The following HBP1 variants were observed in gnomAD, a reference collection of about 807,000 sequenced individuals.
The protein encoded by HBP1 is HMG box-containing protein 1.
HBP1 carries 20 observed loss-of-function variants against 62.6 expected under a neutral mutation model. That is an observed-to-expected ratio of 0.32 (90% CI 0.22 to 0.46). The LOEUF is 0.46. Among genes scored for constraint, HBP1 ranks in the 20% least tolerant of loss-of-function variants. HBP1 has a pLI of 1.00. For missense variants in HBP1, 480 were observed against 611.8 expected, an observed-to-expected ratio of 0.78 and a Z score of 2.27; for synonymous variants, 232 against 206.2, an observed-to-expected ratio of 1.12 and a Z score of -1.07.
At chr7:107,186,167 T>C (rs1466376687) in intron 4 of HBP1, among the ~76,000 whole-genome samples, 194 bp from the exon 5 acceptor site, 5 of 117,712 alleles carry the variant, frequency 4.2e-5, no homozygotes, top group Non-Finnish European at 8.6e-5. Context: ...TTTTTTTTTC[T>C]TTTTTTTTTT....
chr7:107,195,922 C>A lies in HBP1; in HGVS notation c.1156C>A (p.Pro386Thr). The A allele has an allele frequency of 6.2e-7, 1 of 1,613,262 alleles. No homozygotes were observed. The highest frequency in any genetic ancestry group is 1.7e-5 in the Admixed American group (1 of 59,974). Reference sequence around the variant, plus strand: ...TCGTGCATCTTTGTCTTGTGGAGGACCTGGTGGTCAAGACTTTGCAAGATC... The same window carrying A: ...TCGTGCATCTTTGTCTTGTGGAGGAACTGGTGGTCAAGACTTTGCAAGATC... ...QRRASLSCGG[P>T]GGQDFARSGF... The change falls in exon 9 of 11, where the codon CCT becomes ACT. Residue 386 changes from proline to threonine, a missense_variant. This residue lies in a region of HBP1 where 66 missense variants were observed against 56.4 expected (regional missense o/e 1.17). Coordinates refer to ENST00000222574, the MANE Select transcript of HBP1 (RefSeq NM_012257.4).
chr7:107,190,107 T>A (rs1011779529), intron 7 of HBP1, 66 bp from the exon 8 acceptor site: 4 of 1,135,516 alleles, frequency 3.5e-6, no homozygotes, highest in African/African-American at 1.6e-5. Flanking sequence ...AGAAATGATA[T>A]GTCTGTTCTA....
chr7:107,174,002 G>C (rs766263723), intron 1 of HBP1, among the ~76,000 whole-genome samples: 5 of 152,170 alleles, frequency 3.3e-5, no homozygotes, highest in African/African-American at 4.8e-5. Context: ...AAATGTAAGG[G>C]CTTCCCTGGT....
rs757507488 is a variant in HBP1 at position 107,189,326 on chromosome 7, A to G, written c.800A>G (p.His267Arg). ...TCTGATGGTCTAAAGTTGTTATCACATGAAGAAAGTGTATCATTTGGCGAG... is the reference window on the plus strand; with the variant it reads ...TCTGATGGTCTAAAGTTGTTATCACGTGAAGAAAGTGTATCATTTGGCGAG... Reference protein sequence around the residue: ...YGSDGLKLLSHEESVSFGESV... With the variant: ...YGSDGLKLLSREESVSFGESV... Residue 267 changes from histidine (H) to arginine (R), a missense_variant, in exon 7 of 11, where the codon CAT (histidine) becomes CGT (arginine). Physicochemically the swap from His to Arg is conservative, Grantham distance 29. This residue lies in a region of HBP1 where 304 missense variants were observed against 330.9 expected (regional missense o/e 0.92). Coordinates refer to ENST00000222574, the MANE Select transcript of HBP1 (RefSeq NM_012257.4). 6.2e-7 allele frequency: 1 copy of G among 1,613,146 alleles called. No homozygotes were observed. The highest frequency in any genetic ancestry group is 8.5e-7 in the Non-Finnish European group (1 of 1,179,210).
At chr7:107,177,491 G>GT (rs1453680353) in intron 1 of HBP1, among the ~76,000 whole-genome samples, 3 of 152,186 alleles carry the variant, frequency 2.0e-5, no homozygotes, top group South Asian at 4.1e-4. Flanking sequence ...CAAGAACGCT[G>GT]TATCTAGCAA....
At chr7:107,184,657 C>T (rs1404941945) in intron 3 of HBP1, among the ~76,000 whole-genome samples, 2 of 152,112 alleles carry the variant, frequency 1.3e-5, no homozygotes, top group Non-Finnish European at 1.5e-5. Flanking sequence ...ACTGCAGGCA[C>T]CCACCACCAT....
At chr7:107,199,170 C>CT (rs1360413336) in intron 9 of HBP1, among the ~76,000 whole-genome samples, 2 of 152,198 alleles carry the variant, frequency 1.3e-5, no homozygotes, top group Non-Finnish European at 2.9e-5. Context: ...ACTGCAACCT[C>CT]TGCCTCCCGG....
intron 6 of HBP1, among the ~76,000 whole-genome samples, chr7:107,189,059 T>C (rs181421427): frequency 6.9e-4 from 105 of 151,724 alleles, no homozygotes; most frequent in African/African-American, 2.5e-3. Flanking sequence ...TTGGTATTAA[T>C]AACTCTTTAT....
chr7:107,181,102 G>C lies in HBP1; in HGVS notation c.169+1040G>C, dbSNP rs554679650. On this transcript the variant is annotated intron_variant, in intron 2 of 10. Coordinates refer to ENST00000222574, the MANE Select transcript of HBP1 (RefSeq NM_012257.4). Reference sequence around the variant, plus strand: ...TAGAATTATTTTAAATTAGTGTGATGTTCTAGAACTCCTTGGCTCCTTCAT... The same window carrying C: ...TAGAATTATTTTAAATTAGTGTGATCTTCTAGAACTCCTTGGCTCCTTCAT... 2.0e-5 allele frequency among the ~76,000 whole-genome samples: 3 copies of C among 152,318 alleles called. No homozygotes were observed. The East Asian group carries it at 5.8e-4, about 29-fold the overall frequency.
intron 6 of HBP1, among the ~76,000 whole-genome samples, chr7:107,187,290 AC>A (rs1797434176): frequency 1.3e-5 from 2 of 152,144 alleles, no homozygotes; most frequent in South Asian, 4.1e-4. Flanking sequence ...GAATAAATAA[AC>A]TAACCAAAGC....
At chr7:107,169,644 C>G in intron 1 of HBP1, 1 of 685,580 alleles carries the variant, frequency 1.5e-6, no homozygotes, top group Non-Finnish European at 1.8e-6. Context: ...GGCGCCGCCT[C>G]CTTCTGGACT....
intron 8 of HBP1, among the ~76,000 whole-genome samples, chr7:107,194,640 A>C (rs929256420): frequency 6.6e-6 from 1 of 152,206 alleles, no homozygotes; most frequent in African/African-American, 2.4e-5. Context: ...AGAATTTTGT[A>C]ATCTCATGTT....
At chr7:107,171,061 A>T (rs867378383) in intron 1 of HBP1, among the ~76,000 whole-genome samples, 66 of 64,946 alleles carry the variant, frequency 1.0e-3, no homozygotes, top group African/African-American at 9.3e-3. Context: ...ATATATATAT[A>T]TATATATATA....
intron 10 of HBP1, chr7:107,200,686 G>A (rs74583255): frequency 1.5e-4 from 24 of 156,210 alleles, no homozygotes; most frequent in Non-Finnish European, 2.7e-4. Flanking sequence ...TCCTTAATTG[G>A]TGAGGGACCA....
intron 9 of HBP1, 78 bp from the exon 10 acceptor site, chr7:107,200,082 C>T (rs1798156544): frequency 2.6e-6 from 3 of 1,160,940 alleles, no homozygotes; most frequent in Non-Finnish European, 3.6e-6. Flanking sequence ...TCACATTTTT[C>T]TCCTGAAGTA....
In HBP1 at chr7:107,186,364, A is replaced by T. The variant is rs769942221; in HGVS notation, c.544A>T (p.Asn182Tyr). The change falls in exon 5 of 11, where the codon AAT becomes TAT. Residue 182 changes from asparagine to tyrosine, a missense_variant. By Grantham distance (143) the Asn-to-Tyr change is moderately radical. Coordinates refer to ENST00000222574, the MANE Select transcript of HBP1 (RefSeq NM_012257.4). ...EETPVRHERA[N>Y]SESESGIFCM... ...TTGATAATATTTTTCTCCATAGGCA[A>T]ATAGTGAGTCAGAATCTGGCATTTT... The T allele has an allele frequency of 6.3e-7, 1 of 1,582,342 alleles. No homozygotes were observed. Among genetic ancestry groups the T allele is most frequent in the Non-Finnish European group, 8.7e-7 (1 of 1,153,792 alleles).
At chr7:107,190,009 T>TA (rs1474403873) in intron 7 of HBP1, 164 bp from the exon 8 acceptor site, 69 of 517,808 alleles carry the variant, frequency 1.3e-4, no homozygotes, top group African/African-American at 1.3e-3. Context: ...TGAAAGGAAA[T>TA]ACTTATCTAG....
At chr7:107,196,239 T>C (rs1797892854) in intron 9 of HBP1, 88 bp downstream of exon 9, 2 of 820,028 alleles carry the variant, frequency 2.4e-6, no homozygotes, top group African/African-American at 3.4e-5. Flanking sequence ...AAACTTATTC[T>C]TTAATAGCTT....
intron 1 of HBP1, among the ~76,000 whole-genome samples, chr7:107,172,170 T>C (rs1796632314): frequency 1.3e-5 from 2 of 152,118 alleles, no homozygotes; most frequent in Non-Finnish European, 1.5e-5. Context: ...GTTGAGTTTT[T>C]AAAAGTTATT....
Sources: allele counts gnomAD v4.1 joint callset (sites outside exome capture counted in the v4.1 genomes callset), GRCh38; gene constraint gnomAD v4.1.1; regional missense constraint gnomAD v4.1.1; transcripts MANE v1.5; gene names NCBI Gene and HGNC (gene_info 2026-07-23, HGNC 2026-07-21).